Variants in MTPN observed in about 807,000 individuals in gnomAD.
MTPN encodes granule cell differentiation protein.
MTPN carries 2 observed loss-of-function variants against 13.5 expected under a neutral mutation model. The observed-to-expected ratio is 0.15, with a 90% CI of 0.06 to 0.47. The LOEUF (loss-of-function observed/expected upper bound fraction) is 0.47, where lower values mean the gene tolerates loss of function less well. MTPN is among the 20% of genes least tolerant of loss of function. The probability of loss-of-function intolerance (pLI) is 0.97; values close to 1 mark genes in which losing one functional copy is unlikely to be tolerated. For missense variants in MTPN, 79 were observed against 137.9 expected, an observed-to-expected ratio of 0.57 and a Z score of 2.14; for synonymous variants, 46 against 51.7, an observed-to-expected ratio of 0.89 and a Z score of 0.48.
intron 1 of MTPN, among the ~76,000 whole-genome samples, chr7:135,971,719 C>T (rs961747099): frequency 1.3e-5 from 2 of 152,152 alleles, no homozygotes; most frequent in African/African-American, 4.8e-5. Flanking sequence ...CATCACAATC[C>T]TCAAATACAT....
At chr7:135,946,322 A>T (rs550495531) in intron 3 of MTPN, among the ~76,000 whole-genome samples, 1 of 152,342 alleles carries the variant, frequency 6.6e-6, no homozygotes, top group East Asian at 1.9e-4. Context: ...AATCTTTTCA[A>T]AAATAAGTGC....
Position 135,927,168 on chromosome 7 carries a change from TAAA to T in MTPN, c.*2755_*2757del. The T allele has an allele frequency of 1.2e-6, 1 of 844,536 alleles. No homozygotes were observed. The highest frequency in any genetic ancestry group is 1.7e-6 in the Non-Finnish European group (1 of 577,120). The allele number at this position is 844,536 out of a possible 1,614,324, so 52.3% of individuals were successfully genotyped here. A position where few individuals can be genotyped will look rare whatever the true frequency, so the allele number is the denominator to read the frequency against. On this transcript the variant is annotated 3_prime_UTR_variant, in exon 4 of 4. Transcript: ENST00000393085. Reference sequence around the variant, plus strand: ...AAAATCAAACAGATACATACAGATTTAAAATCCAGTACTTGGGAAAAGATATCA... The same window carrying T: ...AAAATCAAACAGATACATACAGATTTATCCAGTACTTGGGAAAAGATATCA...
intron 1 of MTPN, among the ~76,000 whole-genome samples, chr7:135,953,966 T>C (rs965652620): frequency 2.0e-5 from 3 of 151,720 alleles, no homozygotes; most frequent in African/African-American, 7.3e-5. Flanking sequence ...AATGTATATA[T>C]GTAATATAAT....
chr7:135,940,088 CTACTA>C (rs1320434521), intron 3 of MTPN, among the ~76,000 whole-genome samples: 1 of 152,166 alleles, frequency 6.6e-6, no homozygotes, highest in Non-Finnish European at 1.5e-5. Flanking sequence ...TCTTGAGAAA[CTACTA>C]TACTCACAAA....
At chr7:135,946,163 T>C (rs1206417925) in intron 3 of MTPN, among the ~76,000 whole-genome samples, 3 of 152,222 alleles carry the variant, frequency 2.0e-5, no homozygotes, top group Non-Finnish European at 2.9e-5. Context: ...TTCAAGAATA[T>C]GATTTCATGT....
At chr7:135,958,450 A>G (rs534445274) in intron 1 of MTPN, among the ~76,000 whole-genome samples, 1 of 152,186 alleles carries the variant, frequency 6.6e-6, no homozygotes, top group East Asian at 1.9e-4. Flanking sequence ...ATACAATCTC[A>G]GTGTTGGAAG....
intron 3 of MTPN, among the ~76,000 whole-genome samples, chr7:135,933,497 T>G (rs890112074): frequency 1.3e-5 from 2 of 152,240 alleles, no homozygotes; most frequent in Admixed American, 6.5e-5. Context: ...AGCTTTTCTA[T>G]TTTGTCAAGA....
chr7:135,941,792 T>A (rs1799213929), intron 3 of MTPN, among the ~76,000 whole-genome samples: 1 of 152,014 alleles, frequency 6.6e-6, no homozygotes, highest in African/African-American at 2.4e-5. Context: ...CAGAGAAAAA[T>A]TCATCATGGA....
intron 3 of MTPN, among the ~76,000 whole-genome samples, chr7:135,950,225 T>C (rs1224837280): frequency 2.6e-5 from 4 of 152,200 alleles, no homozygotes; most frequent in Admixed American, 1.3e-4. Flanking sequence ...ATGAAACATA[T>C]ACATTTCAAA....
intron 1 of MTPN, among the ~76,000 whole-genome samples, chr7:135,976,453 G>T (rs114380834): frequency 6.6e-6 from 1 of 152,100 alleles, no homozygotes; most frequent in African/African-American, 2.4e-5. Context: ...TGTGGTGGGG[G>T]AAAGGAAAAA....
At chr7:135,930,629 G>A (rs1331851398) in intron 3 of MTPN, among the ~76,000 whole-genome samples, 3 of 152,086 alleles carry the variant, frequency 2.0e-5, no homozygotes, top group Non-Finnish European at 4.4e-5. Context: ...TCTGCAACGC[G>A]GCATTCTGGT....
chr7:135,959,038 T>A (rs1799485414), intron 1 of MTPN, among the ~76,000 whole-genome samples: 1 of 152,178 alleles, frequency 6.6e-6, no homozygotes, highest in Non-Finnish European at 1.5e-5. Context: ...AAAAATATTT[T>A]AGCAAGGCCT....
chr7:135,959,082 C>A (rs1420159565), intron 1 of MTPN, among the ~76,000 whole-genome samples: 1 of 152,090 alleles, frequency 6.6e-6, no homozygotes, highest in African/African-American at 2.4e-5. Context: ...TACCACTCTG[C>A]TATAATTCTG....
At chr7:135,965,698 C>A (rs1054540172) in intron 1 of MTPN, among the ~76,000 whole-genome samples, 1 of 152,092 alleles carries the variant, frequency 6.6e-6, no homozygotes, top group Non-Finnish European at 1.5e-5. Flanking sequence ...TATACTAATA[C>A]AACTGTTGTC....
intron 1 of MTPN, among the ~76,000 whole-genome samples, chr7:135,969,103 A>AGG (rs1799652599): frequency 4.0e-5 from 1 of 24,830 alleles, no homozygotes; most frequent in Non-Finnish European, 8.8e-5. Context: ...GGGGGGGAGG[A>AGG]GGGAGGGATA....
intron 1 of MTPN, among the ~76,000 whole-genome samples, chr7:135,969,491 A>G (rs1799660437): frequency 6.6e-6 from 1 of 150,734 alleles, no homozygotes; most frequent in South Asian, 2.1e-4. Context: ...AAAAAGAGGA[A>G]CTATAATAAT....
intron 1 of MTPN, among the ~76,000 whole-genome samples, chr7:135,961,019 T>C (rs929683374): frequency 1.3e-5 from 2 of 152,028 alleles, no homozygotes; most frequent in Non-Finnish European, 2.9e-5. Context: ...AAATTAAAAC[T>C]GCAATTGCAA....
intron 1 of MTPN, among the ~76,000 whole-genome samples, chr7:135,965,922 G>C (rs528555817): frequency 1.3e-5 from 2 of 152,112 alleles, no homozygotes; most frequent in Non-Finnish European, 2.9e-5. Flanking sequence ...CAAATGTAAC[G>C]AAACTGTATG....
chr7:135,928,264 G>A lies in MTPN; in HGVS notation c.*1662C>T, dbSNP rs1473528100. 6.0e-6 allele frequency: 1 copy of A among 166,784 alleles called. No homozygotes were observed. Among genetic ancestry groups the A allele is most frequent in the African/African-American group, 2.4e-5 (1 of 41,316 alleles). 10.3% of individuals were successfully genotyped at this position (166,784 alleles called of 1,614,324 possible). A position where few individuals can be genotyped will look rare whatever the true frequency, so the allele number is the denominator to read the frequency against. On this transcript the variant is annotated 3_prime_UTR_variant, in exon 4 of 4. Transcript: ENST00000393085. ...GCTAGTTGTAAGTGAAAAAGCCACA[G>A]GATTAAAAAAAGGACTCATGGGGAA...
Sources: allele counts gnomAD v4.1 joint callset (sites outside exome capture counted in the v4.1 genomes callset), GRCh38; gene constraint gnomAD v4.1.1; transcripts MANE v1.5; gene names NCBI Gene and HGNC (gene_info 2026-07-23, HGNC 2026-07-21).